The following PPP1R9A variants were observed in gnomAD, a reference collection of about 807,000 sequenced individuals.
PPP1R9A encodes the protein neurabin-1.
In PPP1R9A, 59 loss-of-function variants were observed where a neutral mutation model predicts 141.9. That is an observed-to-expected ratio of 0.42 (90% CI 0.34 to 0.52). The LOEUF (loss-of-function observed/expected upper bound fraction) is 0.52. PPP1R9A is among the 20% of genes least tolerant of loss of function. The probability of loss-of-function intolerance (pLI) is 0.10; values close to 1 mark genes in which losing one functional copy is unlikely to be tolerated. For missense variants in PPP1R9A, 1,444 were observed against 1,611.9 expected (o/e 0.90, Z 1.78); for synonymous variants, 500 against 569.7 (o/e 0.88, Z 1.74).
intron 2 of PPP1R9A, among the ~76,000 whole-genome samples, chr7:94,912,373 G>A (rs1370616131): frequency 2.6e-5 from 4 of 152,098 alleles, no homozygotes; most frequent in African/African-American, 7.2e-5. Flanking sequence ...AATCTCCTGG[G>A]GTGCTTTTTC....
Position 95,250,202 on chromosome 7 carries a change from C to T in PPP1R9A, c.2343C>T (p.Ala781=). The change falls in exon 10 of 20, where the codon GCC becomes GCT. Residue 781 remains alanine (A), a synonymous_variant. Coordinates refer to ENST00000433360, the MANE Select transcript of PPP1R9A (RefSeq NM_001166160.2). ...AAGAGACTCAAAGCCAGTATCAGGCCTTGGAAAAGAAATACAACAAGGCAA... is the reference window on the plus strand; with the variant it reads ...AAGAGACTCAAAGCCAGTATCAGGCTTTGGAAAAGAAATACAACAAGGCAA... The part of the protein sequence containing the change: ...HLKETQSQYQ[A]LEKKYNKAKK... 6.2e-7 allele frequency: 1 copy of T among 1,613,524 alleles called. No homozygotes were observed.
intron 2 of PPP1R9A, among the ~76,000 whole-genome samples, chr7:95,048,191 T>A (rs1028787073): frequency 5.3e-5 from 8 of 152,288 alleles, no homozygotes; most frequent in African/African-American, 1.9e-4. Flanking sequence ...TGACAAAAAT[T>A]GAGAGCATTT....
chr7:94,909,846 C>A, intron 1 of PPP1R9A, 52 bp from the exon 2 acceptor site: 1 of 289,282 alleles, frequency 3.5e-6, no homozygotes, highest in Non-Finnish European at 6.4e-6. Flanking sequence ...TTTGACTAGA[C>A]ATAAATTCAA....
intron 2 of PPP1R9A, among the ~76,000 whole-genome samples, chr7:95,017,017 A>G (rs1805205603): frequency 6.6e-6 from 1 of 152,160 alleles, no homozygotes; most frequent in East Asian, 1.9e-4. Context: ...CGCAGTGGGA[A>G]GACAGCCATA....
At chr7:95,221,093 A>C (rs1794386023) in intron 7 of PPP1R9A, among the ~76,000 whole-genome samples, 1 of 152,110 alleles carries the variant, frequency 6.6e-6, no homozygotes, top group South Asian at 2.1e-4. Flanking sequence ...AAGTTTAGCA[A>C]ATGTGGTTAC....
intron 14 of PPP1R9A, 144 bp downstream of exon 14, chr7:95,269,651 C>A (rs1222178270): frequency 3.3e-6 from 2 of 615,190 alleles, no homozygotes; most frequent in Non-Finnish European, 4.9e-6. Context: ...ATAAGAGAAA[C>A]AACCCCTCCA....
intron 2 of PPP1R9A, among the ~76,000 whole-genome samples, chr7:94,982,526 A>C (rs1182921513): frequency 6.6e-6 from 1 of 152,132 alleles, no homozygotes; most frequent in Non-Finnish European, 1.5e-5. Flanking sequence ...TCTAACTGGC[A>C]TGAGATGGTA....
At chr7:94,993,760 A>G (rs1801807917) in intron 2 of PPP1R9A, among the ~76,000 whole-genome samples, 1 of 152,152 alleles carries the variant, frequency 6.6e-6, no homozygotes. Context: ...ACTGGACTCT[A>G]TTAGTAGAAG....
intron 2 of PPP1R9A, among the ~76,000 whole-genome samples, chr7:95,032,609 T>C (rs1178138980): frequency 6.6e-6 from 1 of 152,148 alleles, no homozygotes; most frequent in Non-Finnish European, 1.5e-5. Context: ...CAATGGTGAG[T>C]CTGACTCTAG....
chr7:95,211,449 G>T (rs1792106989), intron 7 of PPP1R9A, among the ~76,000 whole-genome samples: 1 of 152,076 alleles, frequency 6.6e-6, no homozygotes, highest in Admixed American at 6.6e-5. Flanking sequence ...CCCTGGTATT[G>T]GTTCACTGAT....
At chr7:95,256,256 G>A (rs1799571890) in intron 12 of PPP1R9A, among the ~76,000 whole-genome samples, 1 of 150,050 alleles carries the variant, frequency 6.7e-6, no homozygotes. Context: ...CCTGAATCCA[G>A]AAATGTAATT....
chr7:95,191,541 G>A (rs1299472789), intron 5 of PPP1R9A, among the ~76,000 whole-genome samples: 4 of 151,976 alleles, frequency 2.6e-5, no homozygotes, highest in Admixed American at 2.6e-4. Flanking sequence ...TCCCACAACG[G>A]TATAGAACAC....
intron 6 of PPP1R9A, among the ~76,000 whole-genome samples, chr7:95,199,089 C>T (rs1312955298): frequency 6.6e-6 from 1 of 152,136 alleles, no homozygotes; most frequent in East Asian, 1.9e-4. Context: ...ATCCTGCTTT[C>T]TGTAAAAGAT....
In PPP1R9A at chr7:95,203,806, T is replaced by C. The variant is rs908409188; in HGVS notation, c.1956+76T>C. On this transcript the variant is annotated intron_variant, in intron 7 of 19. Coordinates refer to ENST00000433360, the MANE Select transcript of PPP1R9A (RefSeq NM_001166160.2). ...TGTAAAATTAAATATTCTTTGTGTC[T>C]TATTAACTATCTGTATGTTCTGAAG... 1.3e-5 allele frequency: 14 copies of C among 1,081,438 alleles called. No homozygotes were observed. In the African/African-American group the frequency reaches 2.1e-4, roughly 16 times the overall value. The allele number at this position is 1,081,438 out of a possible 1,614,324, so 67.0% of individuals were successfully genotyped here.
intron 5 of PPP1R9A, among the ~76,000 whole-genome samples, chr7:95,180,666 CA>C (rs1833606492): frequency 6.6e-6 from 1 of 151,822 alleles, no homozygotes; most frequent in Non-Finnish European, 1.5e-5. Flanking sequence ...ACGACAATCT[CA>C]AACAAATCAG....
At chr7:94,998,612 T>A (rs1188126724) in intron 2 of PPP1R9A, among the ~76,000 whole-genome samples, 3 of 152,202 alleles carry the variant, frequency 2.0e-5, no homozygotes, top group Non-Finnish European at 2.9e-5. Flanking sequence ...ATGGGCTCTG[T>A]TGTAACTTCT....
intron 2 of PPP1R9A, among the ~76,000 whole-genome samples, chr7:95,053,316 T>C (rs1034607766): frequency 2.6e-5 from 4 of 152,198 alleles, no homozygotes; most frequent in African/African-American, 7.2e-5. Flanking sequence ...TATGTGCTTG[T>C]CAGTTTTTTA....
At chr7:95,016,549 T>TTGTTATGTTATATGTTATATG (rs1805136649) in intron 2 of PPP1R9A, among the ~76,000 whole-genome samples, 2 of 152,104 alleles carry the variant, frequency 1.3e-5, no homozygotes. Flanking sequence ...ACAAGGTTTA[T>TTGTTATGTTATATGTTATATG]TTAACATCCT....
chr7:95,168,866 T>C (rs1324964928), intron 5 of PPP1R9A, among the ~76,000 whole-genome samples: 3 of 152,008 alleles, frequency 2.0e-5, no homozygotes, highest in African/African-American at 7.2e-5. Context: ...ATGGCTGTTA[T>C]TAAAGAGACA....
Sources: gnomAD v4.1 joint callset for allele counts (sites outside exome capture counted in the v4.1 genomes callset) on GRCh38, gnomAD v4.1.1 for gene constraint, MANE v1.5 for transcripts, NCBI Gene and HGNC (gene_info 2026-07-23, HGNC 2026-07-21) for gene names.